Variants in DEPTOR observed in about 807,000 individuals in gnomAD.
DEPTOR encodes the protein DEP domain-containing mTOR-interacting protein.
Under a neutral mutation model 41.6 loss-of-function variants are expected in DEPTOR, and 41 were observed. The ratio of observed to expected loss-of-function variants is 0.98; its 90% CI spans 0.77 to 1.28. The LOEUF is 1.28. DEPTOR is among the 50% of genes most tolerant of loss of function. DEPTOR has a pLI of 0.00. For missense variants in DEPTOR, 514 were observed against 527.9 expected, an observed-to-expected ratio of 0.97 and a Z score of 0.26; for synonymous variants, 195 against 192.3, an observed-to-expected ratio of 1.01 and a Z score of -0.12.
At chr8:119,945,752 A>T (rs563847510) in intron 3 of DEPTOR, among the ~76,000 whole-genome samples, 37 of 152,220 alleles carry the variant, frequency 2.4e-4, no homozygotes, top group Non-Finnish European at 4.4e-4. Context: ...CCTAGAGGAA[A>T]TCCCTCTTGT....
intron 8 of DEPTOR, among the ~76,000 whole-genome samples, chr8:120,047,095 C>G (rs1345640396): frequency 6.6e-6 from 1 of 152,110 alleles, no homozygotes; most frequent in Admixed American, 6.6e-5. Context: ...AGAATCTCGG[C>G]CCACTGCAAC....
chr8:119,890,792 G>C (rs1437222291), intron 1 of DEPTOR, among the ~76,000 whole-genome samples: 2 of 152,080 alleles, frequency 1.3e-5, no homozygotes, highest in Non-Finnish European at 2.9e-5. Flanking sequence ...CACACATGTG[G>C]TAAGTATGGG....
intron 8 of DEPTOR, among the ~76,000 whole-genome samples, chr8:120,035,322 A>G (rs1420422024): frequency 7.8e-6 from 1 of 127,552 alleles, no homozygotes; most frequent in Non-Finnish European, 1.7e-5. Context: ...CCTGCCCAGA[A>G]AAAAAAGAAA....
chr8:119,887,927 C>T (rs767191629), intron 1 of DEPTOR, among the ~76,000 whole-genome samples: 4 of 114,604 alleles, frequency 3.5e-5, no homozygotes, highest in African/African-American at 1.1e-4. Context: ...CTCAAGTGAG[C>T]CCCCTGCCTC....
intron 3 of DEPTOR, among the ~76,000 whole-genome samples, chr8:119,936,528 G>T (rs766226802): frequency 2.6e-5 from 4 of 152,174 alleles, no homozygotes; most frequent in Non-Finnish European, 5.9e-5. Flanking sequence ...TATCCAGCAG[G>T]CATAATTATT....
chr8:119,918,863 G>A lies in DEPTOR; in HGVS notation c.123-9537G>A, dbSNP rs577094970. Among the ~76,000 whole-genome samples, 357 of 152,120 alleles carry A rather than the reference G, an allele frequency of 2.3e-3. 3 individuals are homozygous for A. The highest frequency in any genetic ancestry group is 8.1e-3 in the African/African-American group (336 of 41,492). ...CTTGCCTCAGACCCCCAAAATGCTG[G>A]GACTACAGGCCTGAGCCACCGCGCC... On this transcript the variant is annotated intron_variant, in intron 1 of 8. Transcript: ENST00000286234.
At chr8:120,044,204 C>A in intron 8 of DEPTOR, among the ~76,000 whole-genome samples, 1 of 151,468 alleles carries the variant, frequency 6.6e-6, no homozygotes. Context: ...GCTCTTGTTG[C>A]AACCTCCACC....
chr8:119,901,381 G>C (rs150333913), intron 1 of DEPTOR, among the ~76,000 whole-genome samples: 1 of 152,076 alleles, frequency 6.6e-6, no homozygotes, highest in East Asian at 1.9e-4. Context: ...CTGTTAGAAA[G>C]ATATGATAAT....
intron 8 of DEPTOR, among the ~76,000 whole-genome samples, chr8:120,048,630 G>C (rs568665657): frequency 7.9e-5 from 12 of 152,314 alleles, no homozygotes; most frequent in African/African-American, 2.9e-4. Context: ...GAGTAAATAA[G>C]CAGTCTGTGT....
chr8:120,007,727 T>C (rs2130098730), intron 7 of DEPTOR, among the ~76,000 whole-genome samples: 1 of 152,338 alleles, frequency 6.6e-6, no homozygotes, highest in Admixed American at 6.5e-5. Context: ...ACATTCTGAA[T>C]GCTGAGGAGT....
At chr8:119,990,514 C>G (rs1275501809) in intron 4 of DEPTOR, among the ~76,000 whole-genome samples, 1 of 152,204 alleles carries the variant, frequency 6.6e-6, no homozygotes, top group East Asian at 1.9e-4. Flanking sequence ...GACTTTCCAT[C>G]TGTTTATTGC....
intron 8 of DEPTOR, among the ~76,000 whole-genome samples, chr8:120,025,862 G>T (rs1212125777): frequency 1.3e-5 from 2 of 151,750 alleles, no homozygotes; most frequent in African/African-American, 4.8e-5. Flanking sequence ...TCCATCATTG[G>T]TTTCCCACTG....
chr8:119,873,882 T>C lies in DEPTOR; in HGVS notation c.36T>C (p.Ser12=). Residue 12 remains serine (S), a synonymous_variant, in exon 1 of 9, where the codon AGT becomes AGC. Transcript: ENST00000286234. The stretch of plus-strand genomic sequence containing the variant: ...GCGGCAGCACTGGCAGTGCTGGCAG[T>C]GACAGCAGCACCAGCGGGAGTGGCG... ...EEGGSTGSAG[S]DSSTSGSGGA... is the part of the protein sequence containing the mutation. 1 of 1,613,422 alleles carries C rather than the reference T, an allele frequency of 6.2e-7. No individual in the cohort carries two copies. The highest frequency in any genetic ancestry group is 8.5e-7 in the Non-Finnish European group (1 of 1,179,726).
chr8:119,899,110 T>C (rs915392409), intron 1 of DEPTOR, among the ~76,000 whole-genome samples: 4 of 152,246 alleles, frequency 2.6e-5, no homozygotes, highest in African/African-American at 7.2e-5. Context: ...GTATTGTAGA[T>C]AGAAAGTCAT....
In DEPTOR at chr8:120,002,692, C is replaced by T. The variant is rs1305137912; in HGVS notation, c.791-285C>T. ...ACTCAGGAGGCTGAGGCAAGAGAAT[C>T]GCATGAACCCAGGAGGCAGAGGTTG... is the stretch of plus-strand genomic sequence containing the variant. On this transcript the variant is annotated intron_variant, in intron 5 of 8. Coordinates refer to ENST00000286234, the MANE Select transcript of DEPTOR (RefSeq NM_022783.4). Among the ~76,000 whole-genome samples the T allele has an allele frequency of 6.9e-5, 10 of 145,668 alleles. 1 individual carries two copies. Among genetic ancestry groups the T allele is most frequent in the Admixed American group, 3.6e-4 (5 of 14,048 alleles).
intron 3 of DEPTOR, among the ~76,000 whole-genome samples, chr8:119,943,509 GC>G (rs34644012): frequency 2.6e-4 from 39 of 152,156 alleles, no homozygotes; most frequent in Non-Finnish European, 4.6e-4. Context: ...GGGGGAAACT[GC>G]CCCCATGATC....
intron 1 of DEPTOR, among the ~76,000 whole-genome samples, chr8:119,878,969 G>A (rs1450676164): frequency 1.3e-5 from 2 of 151,706 alleles, no homozygotes; most frequent in East Asian, 2.0e-4. Context: ...AATTAGCCAG[G>A]CGTGGTGGCA....
intron 4 of DEPTOR, 40 bp downstream of exon 4, chr8:119,965,450 C>T: frequency 6.3e-7 from 1 of 1,594,438 alleles, no homozygotes; most frequent in Non-Finnish European, 8.5e-7. Flanking sequence ...GAACAAACAG[C>T]CAGCCCCAAA....
intron 1 of DEPTOR, among the ~76,000 whole-genome samples, chr8:119,924,054 T>C (rs1827934145): frequency 6.6e-6 from 1 of 152,194 alleles, no homozygotes; most frequent in African/African-American, 2.4e-5. Context: ...CCTTAGCACC[T>C]TCCTAAGTCA....
Sources: allele counts gnomAD v4.1 joint callset (sites outside exome capture counted in the v4.1 genomes callset), GRCh38; gene constraint gnomAD v4.1.1; transcripts MANE v1.5; gene names NCBI Gene and HGNC (gene_info 2026-07-23, HGNC 2026-07-21).